FANCL: variants seen among roughly 807,000 people sequenced by gnomAD.
The protein encoded by FANCL is E3 ubiquitin-protein ligase FANCL.
Under a neutral mutation model 59.4 loss-of-function variants are expected in FANCL, and 69 were observed. That is an observed-to-expected ratio of 1.16 (90% confidence interval 0.96 to 1.42). The LOEUF (loss-of-function observed/expected upper bound fraction) is 1.42, where lower values mean the gene tolerates loss of function less well. Ranked by LOEUF, FANCL falls within the 40% of genes most tolerant of loss-of-function variation. The pLI is 0.00. For synonymous variants in FANCL, 180 were observed against 147.1 expected, an observed-to-expected ratio of 1.22 and a Z score of -1.62; for missense variants, 519 against 447.2, an observed-to-expected ratio of 1.16 and a Z score of -1.45.
At chr2:58,203,808 G>A (rs1690298337) in intron 6 of FANCL, among the ~76,000 whole-genome samples, 1 of 152,018 alleles carries the variant, frequency 6.6e-6, no homozygotes. Flanking sequence ...TGGGATAGTG[G>A]AAGTGTCCAC....
chr2:58,199,402 TAAGA>T (rs1420415567), intron 6 of FANCL, among the ~76,000 whole-genome samples: 1 of 152,106 alleles, frequency 6.6e-6, no homozygotes, highest in Non-Finnish European at 1.5e-5. Flanking sequence ...TTAAAGGAAT[TAAGA>T]AATACACAAA....
At chr2:58,223,118 C>T (rs1332561145) in intron 4 of FANCL, among the ~76,000 whole-genome samples, 5 of 149,726 alleles carry the variant, frequency 3.3e-5, no homozygotes, top group Middle Eastern at 3.4e-3. Context: ...ACTTCAATTT[C>T]GTTCTGAATC....
At chr2:58,209,984 T>C (rs903605005) in intron 5 of FANCL, among the ~76,000 whole-genome samples, 6 of 152,208 alleles carry the variant, frequency 3.9e-5, no homozygotes, top group Admixed American at 6.5e-5. Flanking sequence ...CAGTTAGCTC[T>C]TTCCCAAGAC....
intron 5 of FANCL, among the ~76,000 whole-genome samples, chr2:58,209,559 T>A (rs1690926727): frequency 6.6e-6 from 1 of 152,146 alleles, no homozygotes; most frequent in East Asian, 1.9e-4. Context: ...ATAACACTAA[T>A]TAAGTACTAT....
chr2:58,228,066 T>C (rs982842733), intron 3 of FANCL, among the ~76,000 whole-genome samples: 1 of 103,786 alleles, frequency 9.6e-6, no homozygotes, highest in Admixed American at 9.4e-5. Flanking sequence ...ATTAACAATA[T>C]GGTCATTTTT....
At chr2:58,167,953 T>C (rs1242127433) in intron 7 of FANCL, among the ~76,000 whole-genome samples, 1 of 152,144 alleles carries the variant, frequency 6.6e-6, no homozygotes, top group Non-Finnish European at 1.5e-5. Context: ...TAAAAACCCT[T>C]ATTTTGAATT....
intron 5 of FANCL, among the ~76,000 whole-genome samples, chr2:58,206,747 G>C (rs1690625716): frequency 6.6e-6 from 1 of 152,130 alleles, no homozygotes; most frequent in African/African-American, 2.4e-5. Context: ...CCATGAGGTT[G>C]ATTTTGTTAA....
At chr2:58,198,746 G>T (rs756339078) in intron 6 of FANCL, 84 bp from the exon 7 acceptor site, 2 of 1,096,630 alleles carry the variant, frequency 1.8e-6, no homozygotes, top group Admixed American at 3.6e-5. Context: ...AGATGTATTA[G>T]GGGCCGGGCG....
chr2:58,171,062 A>G (rs1686553565), intron 7 of FANCL, among the ~76,000 whole-genome samples: 1 of 152,194 alleles, frequency 6.6e-6, no homozygotes, highest in African/African-American at 2.4e-5. Flanking sequence ...CCCCAAATTA[A>G]CAAAACATAC....
chr2:58,211,325 C>G (rs1691133156), intron 5 of FANCL, among the ~76,000 whole-genome samples: 1 of 152,184 alleles, frequency 6.6e-6, no homozygotes, highest in Non-Finnish European at 1.5e-5. Context: ...CTACACTGGC[C>G]CTTTTCAGCC....
intron 2 of FANCL, 146 bp downstream of exon 2, chr2:58,231,908 G>C (rs972288343): frequency 1.4e-6 from 1 of 705,292 alleles, no homozygotes; most frequent in Non-Finnish European, 2.5e-6. Context: ...GCATTGGTTT[G>C]GAAAAATCAG....
At chr2:58,232,163 G>A in intron 1 of FANCL, 51 bp from the exon 2 acceptor site, 2 of 1,420,686 alleles carry the variant, frequency 1.4e-6, no homozygotes, top group Non-Finnish European at 2.0e-6. Flanking sequence ...TTCACTTAAT[G>A]CTGAGAAGTT....
At chr2:58,237,816 G>A (rs1694162375) in intron 1 of FANCL, among the ~76,000 whole-genome samples, 1 of 152,122 alleles carries the variant, frequency 6.6e-6, no homozygotes, top group East Asian at 1.9e-4. Flanking sequence ...TAAGAAACTT[G>A]CATCTAACAC....
intron 5 of FANCL, chr2:58,213,367 G>A (rs947744651): frequency 6.5e-4 from 99 of 152,194 alleles, no homozygotes; most frequent in African/African-American, 2.3e-3. Context: ...ATCAGTGTAT[G>A]TGTGTACCAG....
intron 3 of FANCL, among the ~76,000 whole-genome samples, chr2:58,228,786 A>C (rs1158299346): frequency 6.6e-6 from 1 of 152,238 alleles, no homozygotes; most frequent in Non-Finnish European, 1.5e-5. Flanking sequence ...GGGGCAAGGA[A>C]AGATAAATAA....
intron 7 of FANCL, among the ~76,000 whole-genome samples, chr2:58,173,583 C>T (rs1323807492): frequency 1.6e-4 from 25 of 152,070 alleles, no homozygotes; most frequent in Admixed American, 3.9e-4. Context: ...GACAAGCAAA[C>T]GCTGAGAGAT....
rs549109787 is a variant in FANCL, at chr2:58,162,748, T to C, written c.903+118A>G. 6 of 882,192 alleles carry C rather than the reference T, an allele frequency of 6.8e-6. No individual in the cohort carries two copies. The East Asian group carries it at 7.4e-5, about 11-fold the overall frequency. The allele number at this position is 882,192 out of a possible 1,614,324, so 54.6% of individuals were successfully genotyped here. A position where few individuals can be genotyped will look rare whatever the true frequency, so the allele number is the denominator to read the frequency against. ...CAAGTTTTTTGATGCAGATCAGAAGTCTGTGTTATAATATTTTTCTAATTC... is the reference window on the plus strand; with the variant it reads ...CAAGTTTTTTGATGCAGATCAGAAGCCTGTGTTATAATATTTTTCTAATTC... On this transcript the variant is annotated intron_variant, in intron 11 of 13. Transcript: ENST00000233741.
At chr2:58,199,785 G>A (rs904633596) in intron 6 of FANCL, among the ~76,000 whole-genome samples, 1 of 151,936 alleles carries the variant, frequency 6.6e-6, no homozygotes, top group Non-Finnish European at 1.5e-5. Flanking sequence ...TAAATGTACT[G>A]AAAGAAAATT....
At chr2:58,220,785 G>A (rs1692400145) in intron 5 of FANCL, among the ~76,000 whole-genome samples, 1 of 152,146 alleles carries the variant, frequency 6.6e-6, no homozygotes, top group East Asian at 1.9e-4. Flanking sequence ...AACATATTAA[G>A]AAAAACTTAG....
Sources: allele counts gnomAD v4.1 joint callset (sites outside exome capture counted in the v4.1 genomes callset), GRCh38; gene constraint gnomAD v4.1.1; transcripts MANE v1.5; gene names NCBI Gene and HGNC (gene_info 2026-07-23, HGNC 2026-07-21).